The following CA10 variants were observed in gnomAD, a reference collection of about 807,000 sequenced individuals.
CA10 encodes carbonic anhydrase-related protein 10.
In CA10, 14 loss-of-function variants were observed where a neutral mutation model predicts 44.2. That is an observed-to-expected ratio of 0.32 (90% CI 0.21 to 0.50). The LOEUF (loss-of-function observed/expected upper bound fraction) is 0.50. CA10 is among the 20% of genes least tolerant of loss of function. The pLI, the probability that CA10 is intolerant of heterozygous loss-of-function variation, is 0.99. For synonymous variants in CA10, 159 were observed against 141.6 expected, an observed-to-expected ratio of 1.12 and a Z score of -0.87; for missense variants, 350 against 409.7, an observed-to-expected ratio of 0.85 and a Z score of 1.26.
At chr17:51,905,043 T>C (rs1427797822) in intron 3 of CA10, among the ~76,000 whole-genome samples, 4 of 152,150 alleles carry the variant, frequency 2.6e-5, no homozygotes, top group Non-Finnish European at 2.9e-5. Context: ...TTCAGCACGA[T>C]AGATAATTGT....
At chr17:51,734,245 A>T (rs1443818744) in intron 4 of CA10, among the ~76,000 whole-genome samples, 1 of 151,866 alleles carries the variant, frequency 6.6e-6, no homozygotes, top group Non-Finnish European at 1.5e-5. Flanking sequence ...CTCTCAAGAT[A>T]GCATCATGAC....
chr17:52,136,693 C>T (rs950885337), intron 1 of CA10, among the ~76,000 whole-genome samples: 1 of 152,096 alleles, frequency 6.6e-6, no homozygotes, highest in Non-Finnish European at 1.5e-5. Context: ...GCCCCCCTTT[C>T]TGAGCCTAAT....
intron 1 of CA10, among the ~76,000 whole-genome samples, chr17:52,085,937 T>C (rs1988105430): frequency 1.3e-5 from 2 of 152,156 alleles, no homozygotes; most frequent in Non-Finnish European, 2.9e-5. Context: ...CTAAAAACCT[T>C]CCGTGGTTTC....
At chr17:51,681,520 G>A (rs145386457) in intron 4 of CA10, among the ~76,000 whole-genome samples, 1 of 152,278 alleles carries the variant, frequency 6.6e-6, no homozygotes, top group African/African-American at 2.4e-5. Context: ...ATTGTAGGAT[G>A]TCTAGTAGTA....
intron 3 of CA10, among the ~76,000 whole-genome samples, chr17:51,882,785 C>G (rs1980434753): frequency 6.6e-6 from 1 of 152,190 alleles, no homozygotes; most frequent in Admixed American, 6.5e-5. Flanking sequence ...CAGACCTAAC[C>G]TTGCCATCCT....
At chr17:51,764,481 C>G (rs1905299677) in intron 3 of CA10, among the ~76,000 whole-genome samples, 1 of 152,222 alleles carries the variant, frequency 6.6e-6, no homozygotes, top group African/African-American at 2.4e-5. Context: ...CAGTCCCTGA[C>G]ACAGGACAGG....
At chr17:51,993,158 A>C (rs1985104404) in intron 2 of CA10, among the ~76,000 whole-genome samples, 1 of 152,072 alleles carries the variant, frequency 6.6e-6, no homozygotes, top group Admixed American at 6.6e-5. Context: ...GGACTTTATT[A>C]AGTTTTGGCA....
intron 1 of CA10, among the ~76,000 whole-genome samples, chr17:52,117,293 C>T (rs1039782178): frequency 9.2e-5 from 14 of 152,180 alleles, no homozygotes; most frequent in African/African-American, 3.1e-4. Flanking sequence ...TGGGAGAAAC[C>T]TCTGTTTTCC....
intron 3 of CA10, among the ~76,000 whole-genome samples, chr17:51,903,380 T>G (rs934722002): frequency 3.9e-5 from 6 of 152,298 alleles, no homozygotes; most frequent in Non-Finnish European, 8.8e-5. Flanking sequence ...CTTACCACAC[T>G]GCCGCTTCCT....
intron 1 of CA10, among the ~76,000 whole-genome samples, chr17:52,140,850 C>T (rs1364686291): frequency 6.6e-6 from 1 of 152,136 alleles, no homozygotes; most frequent in Non-Finnish European, 1.5e-5. Context: ...AATCATCTCT[C>T]AGAGCCTGGT....
chr17:51,891,702 G>T (rs1011789562), intron 3 of CA10, among the ~76,000 whole-genome samples: 1 of 152,228 alleles, frequency 6.6e-6, no homozygotes, highest in Non-Finnish European at 1.5e-5. Flanking sequence ...GTGAGGGTTG[G>T]TATGGTGGCT....
intron 3 of CA10, among the ~76,000 whole-genome samples, chr17:51,832,746 A>G (rs1908328211): frequency 6.6e-6 from 1 of 152,180 alleles, no homozygotes; most frequent in Non-Finnish European, 1.5e-5. Context: ...TTTCACATAT[A>G]TGTTTAGTCT....
Position 51,912,041 on chromosome 17 carries a change from C to T in CA10, c.279+18949G>A, listed in dbSNP as rs1242896142. ...TACACTTCATGAAGACTAACAAGTACAGATATCACATTCTATAAAGCCCAC... is the reference window on the plus strand; with the variant it reads ...TACACTTCATGAAGACTAACAAGTATAGATATCACATTCTATAAAGCCCAC... On this transcript the variant is annotated intron_variant, in intron 3 of 8. Transcript: ENST00000451037. 2.0e-5 allele frequency among the ~76,000 whole-genome samples: 3 copies of T among 152,080 alleles called. No individual in the cohort carries two copies. In the East Asian group the frequency reaches 5.8e-4, roughly 29 times the overall value.
intron 3 of CA10, among the ~76,000 whole-genome samples, chr17:51,826,998 T>C (rs1035398882): frequency 6.6e-6 from 1 of 152,194 alleles, no homozygotes; most frequent in African/African-American, 2.4e-5. Flanking sequence ...TAATAAGTGC[T>C]ATCATTTCCT....
intron 3 of CA10, among the ~76,000 whole-genome samples, chr17:51,920,705 A>G (rs1469899032): frequency 6.6e-6 from 1 of 152,206 alleles, no homozygotes; most frequent in Non-Finnish European, 1.5e-5. Context: ...AAACTCAGCA[A>G]TGGTGCATGA....
chr17:51,716,654 G>T (rs934437175), intron 4 of CA10, among the ~76,000 whole-genome samples: 3 of 152,078 alleles, frequency 2.0e-5, no homozygotes, highest in African/African-American at 4.8e-5. Context: ...TGAACTTGGG[G>T]TTCATTAAGC....
intron 5 of CA10, among the ~76,000 whole-genome samples, chr17:51,651,810 A>G (rs558592977): frequency 7.2e-5 from 11 of 152,324 alleles, no homozygotes; most frequent in African/African-American, 2.6e-4. Context: ...TCCAAAGGAC[A>G]GGAATTGCTG....
chr17:51,878,620 A>G (rs996831659), intron 3 of CA10, among the ~76,000 whole-genome samples: 3 of 151,880 alleles, frequency 2.0e-5, no homozygotes, highest in Non-Finnish European at 4.4e-5. Flanking sequence ...GCTTCCACCT[A>G]TAAAAATCTT....
At chr17:52,064,425 G>A (rs1488979346) in intron 2 of CA10, among the ~76,000 whole-genome samples, 1 of 152,158 alleles carries the variant, frequency 6.6e-6, no homozygotes, top group African/African-American at 2.4e-5. Flanking sequence ...CTTACTCCAT[G>A]AATTAAGGAA....
Sources: gnomAD v4.1 joint callset for allele counts (sites outside exome capture counted in the v4.1 genomes callset) on GRCh38, gnomAD v4.1.1 for gene constraint, MANE v1.5 for transcripts, NCBI Gene and HGNC (gene_info 2026-07-23, HGNC 2026-07-21) for gene names.